Variants in PNPLA8 observed in about 807,000 individuals in gnomAD.
PNPLA8 encodes the protein patatin like domain 8, phospholipase A2.
A neutral mutation model predicts 76.9 loss-of-function variants in PNPLA8; 39 were observed. The observed-to-expected ratio is 0.51, with a 90% CI of 0.39 to 0.66. The LOEUF (loss-of-function observed/expected upper bound fraction) is 0.66, where lower values mean the gene tolerates loss of function less well. Among genes scored for constraint, PNPLA8 ranks in the 30% least tolerant of loss-of-function variants. The pLI is 0.00. For synonymous variants in PNPLA8, 301 were observed against 307.9 expected (o/e 0.98, Z 0.24); for missense variants, 887 against 918.0 (o/e 0.97, Z 0.44).
intron 7 of PNPLA8, among the ~76,000 whole-genome samples, chr7:108,492,542 T>C (rs1214120397): frequency 9.8e-6 from 1 of 102,272 alleles, no homozygotes; most frequent in Non-Finnish European, 2.2e-5. Flanking sequence ...AAAATGCTTT[T>C]AGTGAATTCA....
At chr7:108,493,822 CTT>C (rs1249425788) in intron 7 of PNPLA8, among the ~76,000 whole-genome samples, 1 of 151,698 alleles carries the variant, frequency 6.6e-6, no homozygotes, top group East Asian at 1.9e-4. Flanking sequence ...CTAAGATTAA[CTT>C]TGAAAATTAA....
chr7:108,499,353 G>A (rs1356051969), intron 5 of PNPLA8, among the ~76,000 whole-genome samples: 5 of 152,084 alleles, frequency 3.3e-5, no homozygotes, highest in Admixed American at 1.3e-4. Flanking sequence ...ATTTAAATAC[G>A]TATATATCTG....
chr7:108,502,757 A>T (rs1054562506), intron 4 of PNPLA8, 115 bp from the exon 5 acceptor site: 12 of 631,228 alleles, frequency 1.9e-5, no homozygotes, highest in African/African-American at 1.9e-4. Context: ...GACAGTGTTC[A>T]TTACTTTCTC....
intron 7 of PNPLA8, 172 bp downstream of exon 7, chr7:108,496,412 T>C (rs1861550864): frequency 2.2e-6 from 1 of 463,008 alleles, no homozygotes; most frequent in African/African-American, 2.1e-5. Context: ...AAACTATGAT[T>C]CACCAAAATA....
chr7:108,486,881 C>T (rs1860776841), intron 9 of PNPLA8, among the ~76,000 whole-genome samples: 1 of 151,930 alleles, frequency 6.6e-6, no homozygotes. Context: ...AGTAGACGTA[C>T]TTTAGGGACT....
At chr7:108,495,739 C>T (rs892360987) in intron 7 of PNPLA8, among the ~76,000 whole-genome samples, 2 of 151,946 alleles carry the variant, frequency 1.3e-5, no homozygotes, top group Non-Finnish European at 2.9e-5. Context: ...ACATAAATGT[C>T]GTAAATGTCC....
chr7:108,501,859 T>C (rs941236834), intron 5 of PNPLA8, among the ~76,000 whole-genome samples: 1 of 152,078 alleles, frequency 6.6e-6, no homozygotes, highest in African/African-American at 2.4e-5. Flanking sequence ...GCTAAAATTA[T>C]AAAACACTGT....
intron 7 of PNPLA8, among the ~76,000 whole-genome samples, chr7:108,494,661 T>C (rs946204080): frequency 1.3e-5 from 2 of 152,226 alleles, no homozygotes; most frequent in Non-Finnish European, 2.9e-5. Context: ...TGAACAGTGC[T>C]ATAATGAACA....
At chr7:108,505,340 ATATATATATAT>A (rs1862317050) in intron 4 of PNPLA8, among the ~76,000 whole-genome samples, 2 of 5,562 alleles carry the variant, frequency 3.6e-4, no homozygotes, top group Non-Finnish European at 5.2e-4. Context: ...ATATATATAT[ATATATATATAT>A]ATTTTTTTTT....
intron 10 of PNPLA8, 59 bp downstream of exon 10, chr7:108,479,125 C>A: frequency 7.9e-7 from 1 of 1,259,080 alleles, no homozygotes; most frequent in East Asian, 2.3e-5. Context: ...ACAAATGCCA[C>A]CAAAAAACTG....
chr7:108,514,008 A>G (rs1256261271), intron 4 of PNPLA8, 136 bp downstream of exon 4: 3 of 629,808 alleles, frequency 4.8e-6, no homozygotes, highest in Non-Finnish European at 2.8e-6. Context: ...TAGGGTAATT[A>G]CTGAATACAC....
chr7:108,479,614 G>A (rs1402632360), intron 9 of PNPLA8: 2 of 546,294 alleles, frequency 3.7e-6, no homozygotes, highest in African/African-American at 1.9e-5. Context: ...AAATTGCTTT[G>A]CATATTTTGC....
At chr7:108,478,207 G>C (rs1860134115) in intron 10 of PNPLA8, among the ~76,000 whole-genome samples, 1 of 152,018 alleles carries the variant, frequency 6.6e-6, no homozygotes. Context: ...ATGAAATAAG[G>C]GTCAAGTGCC....
chr7:108,482,821 G>A (rs546758382), intron 9 of PNPLA8, among the ~76,000 whole-genome samples: 1 of 152,194 alleles, frequency 6.6e-6, no homozygotes, highest in South Asian at 2.1e-4. Context: ...TTCTTTGCTT[G>A]TATATAGGAA....
chr7:108,511,309 G>A (rs1261455023), intron 4 of PNPLA8, among the ~76,000 whole-genome samples: 3 of 152,140 alleles, frequency 2.0e-5, no homozygotes, highest in Admixed American at 2.0e-4. Context: ...TAGCACAATT[G>A]TCCAATGAGA....
intron 7 of PNPLA8, among the ~76,000 whole-genome samples, chr7:108,493,027 A>G (rs1042944487): frequency 6.6e-6 from 1 of 152,224 alleles, no homozygotes; most frequent in Non-Finnish European, 1.5e-5. Context: ...TCCCAGGCCC[A>G]TTGGTAGAGC....
intron 4 of PNPLA8, chr7:108,510,186 A>T: frequency 1.1e-6 from 1 of 887,408 alleles, no homozygotes; most frequent in Non-Finnish European, 1.7e-6. Flanking sequence ...ATAAAAAAAA[A>T]AAAAAAGAAA....
chr7:108,472,829 AT>A (rs1859718673), intron 10 of PNPLA8, among the ~76,000 whole-genome samples, 154 bp from the exon 11 acceptor site: 1 of 152,338 alleles, frequency 6.6e-6, no homozygotes, highest in African/African-American at 2.4e-5. Context: ...AGTAGAAGTA[AT>A]CCATAATAAT....
In PNPLA8 at chr7:108,515,395, A is replaced by G; in HGVS notation, c.97T>C (p.Phe33Leu). The G allele has an allele frequency of 6.2e-7, 1 of 1,612,592 alleles. No homozygotes were observed. ...KQRSKQLYFLFSPKHYWRISH... is the reference protein window; with the variant it reads ...KQRSKQLYFLLSPKHYWRISH... ...ATCCTCCAGTAATGCTTAGGTGAGA[A>G]CAAGAAATACAGTTGCTTGCTTCTC... is the stretch of plus-strand genomic sequence containing the variant. The change falls in exon 3 of 11, where the codon TTC becomes CTC. Residue 33 changes from phenylalanine (F) to leucine (L), a missense_variant. Physicochemically the swap from Phe to Leu is conservative, Grantham distance 22 (BLOSUM62 0). Transcript: ENST00000257694.
Sources: gnomAD v4.1 joint callset for allele counts (sites outside exome capture counted in the v4.1 genomes callset) on GRCh38, gnomAD v4.1.1 for gene constraint, MANE v1.5 for transcripts, NCBI Gene and HGNC (gene_info 2026-07-23, HGNC 2026-07-21) for gene names.